SNX18: variants seen among roughly 807,000 people sequenced by gnomAD.
SNX18 encodes sorting nexin 18.
Under a neutral mutation model 48.7 loss-of-function variants are expected in SNX18, and 35 were observed. That is an observed-to-expected ratio of 0.72 (90% CI 0.55 to 0.95). SNX18 has a LOEUF of 0.95. Ranked by LOEUF, SNX18 falls within the 40% of genes least tolerant of loss-of-function variation. SNX18 has a pLI of 0.00. For missense variants in SNX18, 824 were observed against 871.0 expected (o/e 0.95, Z 0.68); for synonymous variants, 492 against 384.7 (o/e 1.28, Z -3.26).
the SNX18 span, among the ~76,000 whole-genome samples, chr5:54,602,959 G>A: frequency 1.3e-5 from 2 of 151,996 alleles, no homozygotes; most frequent in Admixed American, 1.3e-4. Context: ...GGTGTGTATC[G>A]AGCCCTCTCC....
At chr5:54,638,794 C>A in the SNX18 span, among the ~76,000 whole-genome samples, 1 of 152,116 alleles carries the variant, frequency 6.6e-6, no homozygotes, top group African/African-American at 2.4e-5. Flanking sequence ...CACCCGCTTG[C>A]CTAAGGTCAG....
At chr5:54,592,908 C>T in the SNX18 span, among the ~76,000 whole-genome samples, 4 of 152,246 alleles carry the variant, frequency 2.6e-5, no homozygotes, top group African/African-American at 9.6e-5. Context: ...TCAAGCGATT[C>T]TCATGCCTCA....
chr5:54,627,006 A>G, the SNX18 span, among the ~76,000 whole-genome samples: 2 of 152,190 alleles, frequency 1.3e-5, no homozygotes, highest in Admixed American at 1.3e-4. Context: ...GTTTTTCAAT[A>G]GCTGTTCACT....
the SNX18 span, among the ~76,000 whole-genome samples, chr5:54,599,388 T>A: frequency 6.6e-6 from 1 of 152,230 alleles, no homozygotes; most frequent in Non-Finnish European, 1.5e-5. Flanking sequence ...ATCCATATCA[T>A]GAAAACGGCC....
At chr5:54,616,700 C>T in the SNX18 span, among the ~76,000 whole-genome samples, 2 of 152,012 alleles carry the variant, frequency 1.3e-5, no homozygotes. Flanking sequence ...ATCCAGGAGG[C>T]CGATATGGCA....
At position 54,518,755 on chromosome 5, in the gene SNX18, A is replaced by G. The variant is rs756523700; in HGVS notation, c.803A>G (p.Glu268Gly). The part of the protein sequence containing the change: ...LCVVLGPYGP[E>G]WQENPYPFQC... ...GTGGTGCTGGGGCCCTATGGCCCCG[A>G]GTGGCAGGAGAACCCCTACCCGTTC... The change falls in exon 1 of 2, where the codon GAG (glutamate) becomes GGG (glycine). Residue 268 changes from glutamate to glycine, a missense_variant. This residue lies in a region of SNX18 where 443 missense variants were observed against 503.6 expected (regional missense o/e 0.88). Coordinates refer to ENST00000381410, the MANE Select transcript of SNX18 (RefSeq NM_001102575.2). 11 of 1,606,268 alleles carry G rather than the reference A, an allele frequency of 6.8e-6. No homozygotes were observed. The South Asian group carries it at 1.2e-4, about 18-fold the overall frequency.
the SNX18 span, among the ~76,000 whole-genome samples, chr5:54,555,683 C>T: frequency 1.3e-5 from 2 of 151,948 alleles, no homozygotes; most frequent in East Asian, 1.9e-4. Context: ...AAAAATTAGC[C>T]GGGCATTGTG....
the SNX18 span, among the ~76,000 whole-genome samples, chr5:54,640,177 G>A: frequency 5.3e-5 from 8 of 151,966 alleles, no homozygotes; most frequent in South Asian, 1.7e-3. Flanking sequence ...ATGACATGGG[G>A]GAATAAAGTT....
chr5:54,557,455 G>A, the SNX18 span, among the ~76,000 whole-genome samples: 109,282 of 152,086 alleles, frequency 0.72, 39,932 homozygotes, highest in Non-Finnish European at 0.79. Flanking sequence ...TTTTGTTTGG[G>A]TGCAACAATT....
chr5:54,530,416 G>A (rs72765730), intron 1 of SNX18, among the ~76,000 whole-genome samples: 8,234 of 152,246 alleles, frequency 0.054, 307 homozygotes, highest in Middle Eastern at 0.1. Context: ...AGCTAATGAG[G>A]AGAGCTAGGA....
the SNX18 span, among the ~76,000 whole-genome samples, chr5:54,588,306 C>CTTTTTTTTTTTTTCTTTTTTTTTTTT: frequency 1.4e-5 from 1 of 73,910 alleles, no homozygotes; most frequent in Non-Finnish European, 2.5e-5. Context: ...TATTTCTATT[C>CTTTTTTTTTTTTTCTTTTTTTTTTTT]TTTTTTTTTT....
At chr5:54,520,963 A>G (rs1037381681) in intron 1 of SNX18, 2 of 167,200 alleles carry the variant, frequency 1.2e-5, no homozygotes, top group East Asian at 3.9e-4. Context: ...TTTTTGTGCA[A>G]TCATATTGCT....
chr5:54,555,526 A>G, the SNX18 span, among the ~76,000 whole-genome samples: 5 of 152,000 alleles, frequency 3.3e-5, 1 homozygote, highest in South Asian at 4.1e-4. Context: ...TGGCATATCT[A>G]TAGATTTACT....
the SNX18 span, among the ~76,000 whole-genome samples, chr5:54,569,001 C>T: frequency 1.1e-4 from 17 of 151,948 alleles, no homozygotes; most frequent in Non-Finnish European, 8.8e-5. Context: ...CATCACTACA[C>T]CCAGCTAATT....
At chr5:54,610,820 T>C in the SNX18 span, among the ~76,000 whole-genome samples, 6 of 152,310 alleles carry the variant, frequency 3.9e-5, no homozygotes, top group South Asian at 4.1e-4. Context: ...GGGGAACATA[T>C]AGATACAAGC....
chr5:54,554,797 G>C, the SNX18 span, among the ~76,000 whole-genome samples: 2 of 152,206 alleles, frequency 1.3e-5, no homozygotes, highest in African/African-American at 2.4e-5. Flanking sequence ...AAGACTTTCT[G>C]AGGAGCAGCC....
chr5:54,556,768 G>A, the SNX18 span, among the ~76,000 whole-genome samples: 2 of 152,052 alleles, frequency 1.3e-5, no homozygotes, highest in East Asian at 1.9e-4. Flanking sequence ...AGGATTGGGG[G>A]GTATGCACAA....
At chr5:54,524,079 AC>A (rs1762081881) in intron 1 of SNX18, among the ~76,000 whole-genome samples, 1 of 151,980 alleles carries the variant, frequency 6.6e-6, no homozygotes, top group Admixed American at 6.6e-5. Context: ...CCCTGCATTT[AC>A]CCCCAGCTGT....
the SNX18 span, among the ~76,000 whole-genome samples, chr5:54,621,389 C>G: frequency 1.3e-5 from 2 of 152,152 alleles, no homozygotes; most frequent in African/African-American, 4.8e-5. Context: ...TAGTCCTGAC[C>G]AGGGATAAAG....
Sources: gnomAD v4.1 joint callset for allele counts (sites outside exome capture counted in the v4.1 genomes callset) on GRCh38, gnomAD v4.1.1 for gene constraint, gnomAD v4.1.1 regional missense constraint, MANE v1.5 for transcripts, NCBI Gene and HGNC (gene_info 2026-07-23, HGNC 2026-07-21) for gene names.